NCK1: variants seen among roughly 807,000 people sequenced by gnomAD.
NCK1 encodes SH2/SH3 adapter protein NCK1.
NCK1 carries 19 observed loss-of-function variants against 36.6 expected under a neutral mutation model. The observed-to-expected ratio is 0.52, with a 90% CI of 0.36 to 0.76. The LOEUF (loss-of-function observed/expected upper bound fraction) is 0.76, where lower values mean the gene tolerates loss of function less well. Ranked by LOEUF, NCK1 falls within the 30% of genes least tolerant of loss-of-function variation. The pLI is 0.00. For synonymous variants in NCK1, 165 were observed against 156.0 expected, an observed-to-expected ratio of 1.06 and a Z score of -0.43; for missense variants, 358 against 445.6, an observed-to-expected ratio of 0.80 and a Z score of 1.77.
chr3:136,926,027 G>T (rs982341441), intron 1 of NCK1, among the ~76,000 whole-genome samples: 1 of 152,094 alleles, frequency 6.6e-6, no homozygotes, highest in Non-Finnish European at 1.5e-5. Context: ...TCTGACAAGC[G>T]TATGTAGTGA....
intron 1 of NCK1, among the ~76,000 whole-genome samples, chr3:136,918,491 G>A (rs1050536223): frequency 6.6e-6 from 1 of 152,152 alleles, no homozygotes; most frequent in Non-Finnish European, 1.5e-5. Flanking sequence ...ACAAGTACTA[G>A]GCCATTTTCA....
At chr3:136,888,329 A>G (rs1335810418) in intron 1 of NCK1, among the ~76,000 whole-genome samples, 1 of 152,196 alleles carries the variant, frequency 6.6e-6, no homozygotes, top group Non-Finnish European at 1.5e-5. Flanking sequence ...TTCACATACT[A>G]TACAGTTCAC....
intron 1 of NCK1, among the ~76,000 whole-genome samples, chr3:136,902,878 A>C (rs1360362365): frequency 2.6e-5 from 4 of 152,242 alleles, no homozygotes; most frequent in Non-Finnish European, 4.4e-5. Flanking sequence ...CAAAATCAAC[A>C]CACATAAATC....
chr3:136,927,792 T>C (rs1940282277), intron 1 of NCK1, among the ~76,000 whole-genome samples, 192 bp from the exon 2 acceptor site: 1 of 152,230 alleles, frequency 6.6e-6, no homozygotes, highest in Non-Finnish European at 1.5e-5. Flanking sequence ...GTGCTGGGAT[T>C]ACAGGCATGA....
chr3:136,889,729 A>G (rs561348920), intron 1 of NCK1, among the ~76,000 whole-genome samples: 3 of 152,256 alleles, frequency 2.0e-5, no homozygotes, highest in Admixed American at 2.0e-4. Flanking sequence ...GAATGTTGAC[A>G]CAAAGGTTCT....
At chr3:136,936,891 G>C (rs1359682809) in intron 2 of NCK1, among the ~76,000 whole-genome samples, 1 of 152,120 alleles carries the variant, frequency 6.6e-6, no homozygotes, top group Non-Finnish European at 1.5e-5. Context: ...TCAGAATTAT[G>C]ATTTGCAAAT....
intron 1 of NCK1, among the ~76,000 whole-genome samples, chr3:136,869,640 T>G (rs1938549250): frequency 6.6e-6 from 1 of 152,124 alleles, no homozygotes; most frequent in South Asian, 2.1e-4. Flanking sequence ...TCCTCTTAAC[T>G]CTAAAGTTTC....
chr3:136,931,573 T>G (rs371087720), intron 2 of NCK1, among the ~76,000 whole-genome samples: 1 of 148,418 alleles, frequency 6.7e-6, no homozygotes, highest in East Asian at 2.0e-4. Context: ...TTTGCATTTT[T>G]CATTTTTTGG....
chr3:136,879,020 T>C (rs1288474461), intron 1 of NCK1, among the ~76,000 whole-genome samples: 3 of 152,102 alleles, frequency 2.0e-5, no homozygotes, highest in African/African-American at 4.8e-5. Context: ...TTTATGGCCC[T>C]CCTTTTAAAT....
chr3:136,907,967 C>T (rs1455458190), intron 1 of NCK1, among the ~76,000 whole-genome samples: 31 of 152,112 alleles, frequency 2.0e-4, no homozygotes, highest in Admixed American at 2.0e-3. Flanking sequence ...GAGAGAACAT[C>T]CTTAACCTAA....
chr3:136,930,393 A>T, intron 2 of NCK1: 2 of 1,184,876 alleles, frequency 1.7e-6, no homozygotes, highest in Non-Finnish European at 2.1e-6. Flanking sequence ...AGGAAAAAAA[A>T]GTTTTGGAAA....
At chr3:136,904,265 A>G (rs920396927) in intron 1 of NCK1, among the ~76,000 whole-genome samples, 26 of 152,008 alleles carry the variant, frequency 1.7e-4, no homozygotes, top group Admixed American at 1.6e-3. Context: ...TGATTCTTCT[A>G]CTTTGGCCTC....
At chr3:136,896,912 A>G (rs537066795) in intron 1 of NCK1, among the ~76,000 whole-genome samples, 15 of 151,928 alleles carry the variant, frequency 9.9e-5, no homozygotes, top group East Asian at 3.9e-4. Context: ...TTCTTTTCCT[A>G]TGGATAACTA....
At position 136,945,920 on chromosome 3, in the gene NCK1, T is replaced by C. The variant is rs1940805907; in HGVS notation, c.564T>C (p.Thr188=). ...CAGCAGTCGTCAATAACCTAAATAC[T>C]GGGCAAGTGTTGCATGTGGTACAGG... ...KLAAVVNNLN[T]GQVLHVVQAL... The change falls in exon 3 of 4, where the codon ACT becomes ACC. Residue 188 remains threonine, a synonymous_variant. Transcript: ENST00000481752. 4.3e-6 allele frequency: 7 copies of C among 1,614,000 alleles called. No individual in the cohort carries two copies. Among genetic ancestry groups the C allele is most frequent in the Non-Finnish European group, 5.1e-6 (6 of 1,180,020 alleles).
intron 2 of NCK1, among the ~76,000 whole-genome samples, chr3:136,938,154 G>A (rs1391768445): frequency 6.6e-6 from 1 of 152,144 alleles, no homozygotes; most frequent in Non-Finnish European, 1.5e-5. Context: ...TGCATCAATT[G>A]AGATAGTCAT....
intron 1 of NCK1, among the ~76,000 whole-genome samples, chr3:136,890,043 G>A (rs1045209105): frequency 6.6e-6 from 1 of 152,194 alleles, no homozygotes; most frequent in Non-Finnish European, 1.5e-5. Flanking sequence ...GGGCGCCCTG[G>A]AGCAGAGGGT....
intron 1 of NCK1, among the ~76,000 whole-genome samples, chr3:136,896,951 G>A (rs1330475926): frequency 6.6e-6 from 1 of 152,170 alleles, no homozygotes; most frequent in Non-Finnish European, 1.5e-5. Flanking sequence ...GGATCTTGTG[G>A]TAGTTCTGTT....
intron 1 of NCK1, among the ~76,000 whole-genome samples, chr3:136,896,217 A>G (rs1417962026): frequency 6.6e-6 from 1 of 152,160 alleles, no homozygotes; most frequent in Non-Finnish European, 1.5e-5. Context: ...TCTGCTATAG[A>G]ATATTAGAAT....
chr3:136,899,847 A>C, intron 1 of NCK1: 1 of 1,451,428 alleles, frequency 6.9e-7, no homozygotes, highest in Non-Finnish European at 9.6e-7. Flanking sequence ...TCTCTGGTAG[A>C]GCTTATCATC....
Sources: allele counts gnomAD v4.1 joint callset (sites outside exome capture counted in the v4.1 genomes callset), GRCh38; gene constraint gnomAD v4.1.1; transcripts MANE v1.5; gene names NCBI Gene and HGNC (gene_info 2026-07-23, HGNC 2026-07-21).